NAALADL2: variants seen among roughly 807,000 people sequenced by gnomAD.
The protein encoded by NAALADL2 is N-acetylated alpha-linked acidic dipeptidase like 2.
NAALADL2 carries 76 observed loss-of-function variants against 87.2 expected under a neutral mutation model. The observed-to-expected ratio is 0.87, with a 90% CI of 0.72 to 1.05. NAALADL2 has a LOEUF of 1.05. NAALADL2 is among the 50% of genes least tolerant of loss of function. NAALADL2 has a pLI of 0.00. For missense variants in NAALADL2, 1,089 were observed against 945.8 expected (o/e 1.15, Z -1.99); for synonymous variants, 354 against 331.0 (o/e 1.07, Z -0.75).
intron 9 of NAALADL2, among the ~76,000 whole-genome samples, chr3:175,491,147 T>C (rs1205957417): frequency 7.0e-6 from 1 of 143,478 alleles, no homozygotes; most frequent in Non-Finnish European, 1.5e-5. Flanking sequence ...TTCTTTTTTT[T>C]TTTCTGTCAG....
intron 2 of NAALADL2, among the ~76,000 whole-genome samples, chr3:175,103,123 T>A (rs1485907675): frequency 5.3e-5 from 6 of 112,942 alleles, no homozygotes; most frequent in East Asian, 2.8e-4. Context: ...AAAAAAAAAG[T>A]TTTAAATTAT....
chr3:175,484,653 T>C (rs1726991268), intron 9 of NAALADL2, among the ~76,000 whole-genome samples: 1 of 152,146 alleles, frequency 6.6e-6, no homozygotes, highest in Non-Finnish European at 1.5e-5. Context: ...AGACATTTTG[T>C]TTATATAAAT....
intron 2 of NAALADL2, among the ~76,000 whole-genome samples, chr3:174,672,473 G>A (rs1251517910): frequency 1.4e-5 from 2 of 148,128 alleles, no homozygotes; most frequent in Non-Finnish European, 3.0e-5. Flanking sequence ...TAAAAATTCT[G>A]ACCTTCTGGA....
At position 175,447,316 on chromosome 3, in the gene NAALADL2, C is replaced by A; in HGVS notation, c.1178C>A (p.Ser393Ter). 1 of 1,604,056 alleles carries A rather than the reference C, an allele frequency of 6.2e-7. No homozygotes were observed. The highest frequency in any genetic ancestry group is 8.5e-7 in the Non-Finnish European group (1 of 1,174,564). Residue 393 changes from serine (S) to a stop codon, truncating the protein, a stop_gained, in exon 6 of 14, where the codon TCG (serine) becomes TAG (stop). Coordinates refer to ENST00000454872, the MANE Select transcript of NAALADL2 (RefSeq NM_207015.3). LOFTEE classifies it high-confidence loss of function. Reference sequence around the variant, plus strand: ...CCCCTCGTTGCAAAACTGATCTCTTCGCCAAAAGCTAGAACCAAAAATGAA... The same window carrying A: ...CCCCTCGTTGCAAAACTGATCTCTTAGCCAAAAGCTAGAACCAAAAATGAA... ...SAPLVAKLIS[S>*]PKARTKNEAC...
chr3:174,722,030 G>C (rs2108954373), intron 2 of NAALADL2, among the ~76,000 whole-genome samples: 1 of 152,336 alleles, frequency 6.6e-6, no homozygotes, highest in East Asian at 1.9e-4. Flanking sequence ...AGCTCAGCAA[G>C]ATGGTGGGAG....
At chr3:175,219,471 CTATT>C (rs1743016650) in intron 2 of NAALADL2, among the ~76,000 whole-genome samples, 1 of 152,026 alleles carries the variant, frequency 6.6e-6, no homozygotes, top group Non-Finnish European at 1.5e-5. Flanking sequence ...ATCTTGAACT[CTATT>C]GATTACATTT....
chr3:174,987,568 CA>C (rs1159602995), intron 1 of NAALADL2, among the ~76,000 whole-genome samples: 52 of 20,844 alleles, frequency 2.5e-3, no homozygotes, highest in Non-Finnish European at 3.7e-3. Context: ...GACTCCGTCT[CA>C]AAAAAAAAAA....
chr3:174,565,700 A>G (rs948049529), intron 2 of NAALADL2, among the ~76,000 whole-genome samples: 2 of 151,950 alleles, frequency 1.3e-5, no homozygotes, highest in Non-Finnish European at 2.9e-5. Context: ...AAAGATTGGG[A>G]TTGCTGGATT....
intron 2 of NAALADL2, among the ~76,000 whole-genome samples, chr3:174,602,619 G>C (rs1296162598): frequency 6.6e-6 from 1 of 151,512 alleles, no homozygotes; most frequent in Non-Finnish European, 1.5e-5. Context: ...TTATTTCTTT[G>C]TCTTTGTCTT....
chr3:175,551,611 C>G (rs961007051), intron 9 of NAALADL2, among the ~76,000 whole-genome samples: 1 of 152,142 alleles, frequency 6.6e-6, no homozygotes, highest in Non-Finnish European at 1.5e-5. Flanking sequence ...AAAGTTCACA[C>G]AAGAGGGGCC....
chr3:175,361,813 A>G (rs879526217), intron 5 of NAALADL2, among the ~76,000 whole-genome samples: 23 of 148,128 alleles, frequency 1.6e-4, no homozygotes, highest in Non-Finnish European at 2.9e-4. Flanking sequence ...CCCATTCTGT[A>G]GGTTGCCTGC....
At chr3:174,882,731 GTATC>G (rs574163170) in intron 1 of NAALADL2, among the ~76,000 whole-genome samples, 132 of 143,672 alleles carry the variant, frequency 9.2e-4, no homozygotes, top group Non-Finnish European at 1.7e-3. Flanking sequence ...GTGTATATGT[GTATC>G]TATGTGTATA....
Position 175,233,951 on chromosome 3 carries a change from A to C in NAALADL2, c.566A>C (p.Lys189Thr). The C allele has an allele frequency of 6.3e-7, 1 of 1,588,756 alleles. No individual in the cohort carries two copies. Among genetic ancestry groups the C allele is most frequent in the Non-Finnish European group, 8.6e-7 (1 of 1,161,326 alleles). ...TTCAGAAATTTGGTACAACTATATA[A>C]AAATGAAGATGACATGGAAATTTCA... ...KSFRNLVQLY[K>T]NEDDMEISKK... Residue 189 changes from lysine (K) to threonine (T), a missense_variant, in exon 3 of 14, where the codon AAA (lysine) becomes ACA (threonine). Lys to Thr is a moderately conservative substitution (Grantham distance 78). Coordinates refer to ENST00000454872, the MANE Select transcript of NAALADL2 (RefSeq NM_207015.3).
In NAALADL2 at chr3:174,836,818, G is replaced by C. The variant is rs566458526; in HGVS notation, c.-9+99072G>C. 1.1e-4 allele frequency among the ~76,000 whole-genome samples: 16 copies of C among 150,686 alleles called. No homozygotes were observed. In the East Asian group the frequency reaches 3.1e-3, roughly 30 times the overall value. On this transcript the variant is annotated intron_variant, in intron 3 of 3. Coordinates refer to the NAALADL2 transcript ENST00000434257. Reference sequence around the variant, plus strand: ...GGGCAAAATAAACACATTTTTAGTAGTTCAATCCTTACCACTTCTGACACA... The same window carrying C: ...GGGCAAAATAAACACATTTTTAGTACTTCAATCCTTACCACTTCTGACACA...
chr3:174,669,504 T>G (rs1414990140), intron 2 of NAALADL2, among the ~76,000 whole-genome samples: 1 of 152,162 alleles, frequency 6.6e-6, no homozygotes, highest in African/African-American at 2.4e-5. Flanking sequence ...GACTGTGTTT[T>G]CCTCTTTATG....
chr3:174,938,208 G>A (rs1196600952), intron 1 of NAALADL2, among the ~76,000 whole-genome samples: 1 of 151,946 alleles, frequency 6.6e-6, no homozygotes, highest in Non-Finnish European at 1.5e-5. Flanking sequence ...CCCAGTGTCT[G>A]TTGCTTTATT....
At chr3:175,451,457 C>A (rs1441220207) in intron 6 of NAALADL2, among the ~76,000 whole-genome samples, 3 of 152,026 alleles carry the variant, frequency 2.0e-5, no homozygotes, top group African/African-American at 7.2e-5. Context: ...CTTTGTAGAC[C>A]TGACCCATTC....
At chr3:175,355,905 T>C (rs1449804713) in intron 5 of NAALADL2, among the ~76,000 whole-genome samples, 1 of 152,108 alleles carries the variant, frequency 6.6e-6, no homozygotes, top group African/African-American at 2.4e-5. Flanking sequence ...AACAAGACCT[T>C]GACAAATGGG....
intron 1 of NAALADL2, among the ~76,000 whole-genome samples, chr3:174,865,096 T>C (rs896869139): frequency 2.0e-5 from 3 of 151,672 alleles, no homozygotes; most frequent in African/African-American, 4.9e-5. Context: ...CGGGAGGCTC[T>C]TTCATAAATG....
Sources: allele counts gnomAD v4.1 joint callset (sites outside exome capture counted in the v4.1 genomes callset), GRCh38; gene constraint gnomAD v4.1.1; transcripts MANE v1.5; gene names NCBI Gene and HGNC (gene_info 2026-07-23, HGNC 2026-07-21).